The following MACROH2A1 variants were observed in gnomAD, a reference collection of about 807,000 sequenced individuals.
MACROH2A1 encodes the protein core histone macro-H2A.1.
Under a neutral mutation model 31.6 loss-of-function variants are expected in MACROH2A1, and 2 were observed. The ratio of observed to expected loss-of-function variants is 0.06; its 90% CI spans 0.03 to 0.20. The LOEUF (loss-of-function observed/expected upper bound fraction) is 0.20. Ranked by LOEUF, MACROH2A1 falls within the 10% of genes least tolerant of loss-of-function variation. MACROH2A1 has a pLI of 1.00. For synonymous variants in MACROH2A1, 169 were observed against 189.6 expected (o/e 0.89, Z 0.89); for missense variants, 230 against 474.0 (o/e 0.49, Z 4.78).
intron 5 of MACROH2A1, chr5:135,358,106 C>CATGA (rs1460783999): frequency 1.0e-6 from 1 of 983,044 alleles, no homozygotes; most frequent in Non-Finnish European, 1.2e-6. Context: ...TTTAAATGTG[C>CATGA]TTTTTGTAAA....
At position 135,369,934 on chromosome 5, in the gene MACROH2A1, C is replaced by T. The variant is rs916082396; in HGVS notation, c.279+102G>A. 7.9e-6 allele frequency: 6 copies of T among 761,218 alleles called. No individual in the cohort carries two copies. The Admixed American group carries it at 1.2e-4, about 15-fold the overall frequency. 47.2% of individuals were successfully genotyped at this position (761,218 alleles called of 1,614,324 possible). A position where few individuals can be genotyped will look rare whatever the true frequency, so the allele number is the denominator to read the frequency against. On this transcript the variant is annotated intron_variant, in intron 3 of 8. Transcript: ENST00000511689. This position sits in a 1 kb window ranked among gnomAD's most constrained non-coding sequence, Gnocchi z 4.3. ...CTGCTAATTAATCCAAAAGGCAGTC[C>T]ACACCTTTCATAACCAGCCAACACC...
intron 2 of MACROH2A1, among the ~76,000 whole-genome samples, chr5:135,387,345 T>A (rs185105438): frequency 1.4e-4 from 21 of 152,332 alleles, no homozygotes; most frequent in African/African-American, 4.3e-4. Context: ...CTATTACTTT[T>A]CATGCCCAGA....
chr5:135,358,368 TA>T, intron 5 of MACROH2A1: 3 of 985,444 alleles, frequency 3.0e-6, no homozygotes, highest in Non-Finnish European at 3.6e-6. Flanking sequence ...TTTATTCTGC[TA>T]AACAGTGTCT....
intron 8 of MACROH2A1, among the ~76,000 whole-genome samples, chr5:135,336,910 C>A (rs1358494646): frequency 1.3e-5 from 2 of 152,116 alleles, no homozygotes; most frequent in South Asian, 4.1e-4. Flanking sequence ...GCAGCTCAGG[C>A]TGCTTCTAAC....
intron 2 of MACROH2A1, among the ~76,000 whole-genome samples, chr5:135,384,321 A>G (rs1766097706): frequency 6.6e-6 from 1 of 152,230 alleles, no homozygotes. Context: ...GAAGTCAAAC[A>G]AGCTGAAACT....
chr5:135,373,903 TTC>T (rs960923530), intron 2 of MACROH2A1, among the ~76,000 whole-genome samples: 2 of 152,194 alleles, frequency 1.3e-5, no homozygotes, highest in African/African-American at 4.8e-5. Context: ...GAGCTTTATC[TTC>T]TGTTTACTCT....
intron 5 of MACROH2A1, 114 bp from the exon 6 acceptor site, chr5:135,353,159 G>A: frequency 1.4e-6 from 1 of 698,132 alleles, no homozygotes. Context: ...AGGCACAAAA[G>A]GGAAGCAGGG....
In MACROH2A1 at chr5:135,388,989, G is replaced by C; in HGVS notation, c.105C>G (p.Gly35=). The C allele has an allele frequency of 6.2e-7, 1 of 1,613,878 alleles. No individual in the cohort carries two copies. The change falls in exon 2 of 9, where the codon GGC becomes GGG. Residue 35 remains glycine (G), a synonymous_variant. Coordinates refer to ENST00000511689, the MANE Select transcript of MACROH2A1 (RefSeq NM_138610.3). The part of the protein sequence containing the change: ...VGRMLRYIKK[G]HPKYRIGVGA... ...CCACTCCAATCCTGTACTTGGGGTG[G>C]CCTTTCTTGATGTACCGCAGCATCC... is the stretch of plus-strand genomic sequence containing the variant.
At chr5:135,378,708 A>G (rs942189976) in intron 2 of MACROH2A1, among the ~76,000 whole-genome samples, 33 of 152,242 alleles carry the variant, frequency 2.2e-4, no homozygotes, top group Non-Finnish European at 1.6e-4. Context: ...TACTCCTAAG[A>G]AAGCTAGGTG....
chr5:135,349,128 G>C (rs1045185685), intron 6 of MACROH2A1, among the ~76,000 whole-genome samples: 4 of 152,154 alleles, frequency 2.6e-5, no homozygotes, highest in African/African-American at 9.7e-5. Flanking sequence ...GCTGCAGCAG[G>C]CAGGCCAACT....
intron 8 of MACROH2A1, among the ~76,000 whole-genome samples, chr5:135,339,933 T>C (rs1296990113): frequency 6.6e-6 from 1 of 152,214 alleles, no homozygotes; most frequent in Non-Finnish European, 1.5e-5. Context: ...TTCTCCCCCA[T>C]TCAAAGGTCT....
chr5:135,359,540 G>T, intron 5 of MACROH2A1: 1 of 984,784 alleles, frequency 1.0e-6, no homozygotes, highest in Non-Finnish European at 1.2e-6. Flanking sequence ...CACAGGAATT[G>T]CATCATGAGA....
At chr5:135,376,112 G>A (rs1764825666) in intron 2 of MACROH2A1, among the ~76,000 whole-genome samples, 1 of 152,100 alleles carries the variant, frequency 6.6e-6, no homozygotes, top group South Asian at 2.1e-4. Context: ...GCTTGTCCCA[G>A]GGGCCTCAAA....
chr5:135,340,401 TTATAAATC>T (rs1759615971), intron 8 of MACROH2A1, among the ~76,000 whole-genome samples: 1 of 152,186 alleles, frequency 6.6e-6, no homozygotes, highest in Non-Finnish European at 1.5e-5. Context: ...CCTTTTAAGC[TTATAAATC>T]TAAGGAAAGT....
At chr5:135,343,457 G>GA in intron 7 of MACROH2A1, 23 bp from the exon 8 acceptor site, 1 of 1,611,480 alleles carries the variant, frequency 6.2e-7, no homozygotes, top group Non-Finnish European at 8.5e-7. Flanking sequence ...GGATGAAACA[G>GA]AAACAGTGAG....
chr5:135,380,065 A>G (rs1765448589), intron 2 of MACROH2A1, among the ~76,000 whole-genome samples: 1 of 152,208 alleles, frequency 6.6e-6, no homozygotes, highest in African/African-American at 2.4e-5. Flanking sequence ...CCAGGGGTCT[A>G]GTTTAATTTT....
intron 5 of MACROH2A1, 164 bp from the exon 6 acceptor site, chr5:135,353,209 C>A: frequency 1.7e-6 from 1 of 594,344 alleles, no homozygotes; most frequent in Admixed American, 2.8e-5. Flanking sequence ...ACATAAGACT[C>A]AAATGCTGCT....
At chr5:135,370,663 C>A (rs952201618) in intron 2 of MACROH2A1, among the ~76,000 whole-genome samples, 1 of 152,184 alleles carries the variant, frequency 6.6e-6, no homozygotes, top group Admixed American at 6.5e-5. Flanking sequence ...TGACTGGATT[C>A]TTTACAAAGT....
intron 6 of MACROH2A1, among the ~76,000 whole-genome samples, chr5:135,349,449 T>C (rs1761247621): frequency 6.6e-6 from 1 of 152,304 alleles, no homozygotes; most frequent in African/African-American, 2.4e-5. Flanking sequence ...CCTGGCAGAC[T>C]TGGCAAATTC....
Sources: allele counts gnomAD v4.1 joint callset (sites outside exome capture counted in the v4.1 genomes callset), GRCh38; gene constraint gnomAD v4.1.1; non-coding constraint Gnocchi (gnomAD v3.1); transcripts MANE v1.5; gene names NCBI Gene and HGNC (gene_info 2026-07-23, HGNC 2026-07-21).